Variants in GRIN2A observed in about 807,000 individuals in gnomAD.
GRIN2A encodes glutamate receptor ionotropic, NMDA 2A.
GRIN2A carries 22 observed loss-of-function variants against 113.4 expected under a neutral mutation model. The ratio of observed to expected loss-of-function variants is 0.19; its 90% CI spans 0.14 to 0.28. The LOEUF (loss-of-function observed/expected upper bound fraction) is 0.28, where lower values mean the gene tolerates loss of function less well. GRIN2A is among the 10% of genes least tolerant of loss of function. The probability of loss-of-function intolerance (pLI) is 1.00; values close to 1 mark genes in which losing one functional copy is unlikely to be tolerated. For synonymous variants in GRIN2A, 827 were observed against 738.4 expected (o/e 1.12, Z -1.94); for missense variants, 1,502 against 1,887.0 (o/e 0.80, Z 3.78).
intron 2 of GRIN2A, among the ~76,000 whole-genome samples, chr16:10,155,303 T>C (rs1947100290): frequency 6.6e-6 from 1 of 152,144 alleles, no homozygotes; most frequent in African/African-American, 2.4e-5. Flanking sequence ...GAAGTTTTAT[T>C]ACCATCCCCC....
At chr16:10,137,829 C>T (rs537893409) in intron 2 of GRIN2A, among the ~76,000 whole-genome samples, 1 of 152,282 alleles carries the variant, frequency 6.6e-6, no homozygotes, top group Admixed American at 6.5e-5. Context: ...TATGAGCTCA[C>T]CCAAGAGTCA....
chr16:10,082,684 G>T (rs560596767), intron 2 of GRIN2A, among the ~76,000 whole-genome samples: 1 of 152,176 alleles, frequency 6.6e-6, no homozygotes, highest in Non-Finnish European at 1.5e-5. Context: ...GAAGAAGGAG[G>T]CCTCTTTGAG....
At chr16:10,106,862 C>T (rs958744272) in intron 2 of GRIN2A, among the ~76,000 whole-genome samples, 8 of 152,126 alleles carry the variant, frequency 5.3e-5, no homozygotes, top group African/African-American at 1.9e-4. Context: ...CTGGGCTGTG[C>T]AATAAGCAGC....
chr16:9,839,628 T>C (rs915093237), intron 7 of GRIN2A, among the ~76,000 whole-genome samples: 2 of 152,202 alleles, frequency 1.3e-5, no homozygotes, highest in African/African-American at 4.8e-5. Flanking sequence ...CTTTGTGGGA[T>C]GGAGGATGGA....
chr16:9,840,140 T>G (rs2042647989), intron 7 of GRIN2A, among the ~76,000 whole-genome samples: 1 of 152,040 alleles, frequency 6.6e-6, no homozygotes, highest in South Asian at 2.1e-4. Context: ...TGTCTGAGAT[T>G]GGGTAAATTT....
chr16:9,920,752 G>C (rs1007752768), intron 3 of GRIN2A, among the ~76,000 whole-genome samples: 4 of 151,992 alleles, frequency 2.6e-5, no homozygotes, highest in Admixed American at 1.3e-4. Context: ...TATTTTAGTA[G>C]ATGGGGTTTC....
intron 7 of GRIN2A, 106 bp from the exon 8 acceptor site, chr16:9,834,336 C>G: frequency 9.7e-7 from 1 of 1,033,758 alleles, no homozygotes; most frequent in Admixed American, 1.7e-5. Context: ...AATATTTTCT[C>G]TAATTTGAAT....
intron 2 of GRIN2A, among the ~76,000 whole-genome samples, chr16:10,071,273 A>C (rs967383344): frequency 6.6e-6 from 1 of 152,226 alleles, no homozygotes; most frequent in South Asian, 2.1e-4. Flanking sequence ...ATTAGCAGAA[A>C]TGCAATGTAG....
chr16:9,943,996 G>A (rs1318748702), intron 2 of GRIN2A, among the ~76,000 whole-genome samples: 1 of 152,108 alleles, frequency 6.6e-6, no homozygotes, highest in East Asian at 1.9e-4. Flanking sequence ...ACACACTAGG[G>A]GCCTGATAAG....
At chr16:10,060,209 A>C (rs2047527623) in intron 2 of GRIN2A, among the ~76,000 whole-genome samples, 1 of 152,198 alleles carries the variant, frequency 6.6e-6, no homozygotes, top group Non-Finnish European at 1.5e-5. Context: ...GAGAACAATC[A>C]GGCTACCGGA....
chr16:10,065,983 A>C (rs1467058936), intron 2 of GRIN2A, among the ~76,000 whole-genome samples: 1 of 152,110 alleles, frequency 6.6e-6, no homozygotes, highest in Non-Finnish European at 1.5e-5. Context: ...TCCTTGAGAG[A>C]GGGCTTTCGG....
chr16:9,839,835 G>C lies in GRIN2A; in HGVS notation c.1651+812C>G, dbSNP rs72481070. Among the ~76,000 whole-genome samples the C allele has an allele frequency of 7.2e-3, 1,102 of 152,200 alleles. 26 individuals carry two copies. In the East Asian group the frequency reaches 0.1, roughly 14 times the overall value. On this transcript the variant is annotated intron_variant, in intron 7 of 12. Coordinates refer to ENST00000330684, the MANE Select transcript of GRIN2A (RefSeq NM_001134407.3). ...TAAGACAAATGAAAGATGTGAACTG[G>C]GGATGGAGGGGAGTGAATTAGGATG... is the stretch of plus-strand genomic sequence containing the variant.
At chr16:9,783,789 A>G (rs1902062342) in intron 11 of GRIN2A, among the ~76,000 whole-genome samples, 1 of 152,232 alleles carries the variant, frequency 6.6e-6, no homozygotes, top group Non-Finnish European at 1.5e-5. Context: ...CTAAATGGTA[A>G]ATATTGTTAC....
chr16:9,797,439 T>C (rs182728665), intron 11 of GRIN2A, among the ~76,000 whole-genome samples: 1 of 152,262 alleles, frequency 6.6e-6, no homozygotes, highest in Admixed American at 6.5e-5. Flanking sequence ...AGCTATGAAG[T>C]AGAAAGGGCA....
intron 2 of GRIN2A, among the ~76,000 whole-genome samples, chr16:10,039,638 AGGGTCCGCACCCGGGAGCGG>A: frequency 6.6e-6 from 1 of 151,272 alleles, no homozygotes; most frequent in Non-Finnish European, 1.5e-5. Flanking sequence ...CTGCGCGGGG[AGGGTCCGCACCCGGGAGCGG>A]GGGCGGCTGC....
intron 2 of GRIN2A, among the ~76,000 whole-genome samples, chr16:10,106,478 C>A (rs2048504062): frequency 6.6e-6 from 1 of 151,922 alleles, no homozygotes; most frequent in African/African-American, 2.4e-5. Context: ...CACTCTAGTA[C>A]AACCAAAGTG....
intron 2 of GRIN2A, among the ~76,000 whole-genome samples, chr16:9,949,092 T>A (rs1458929942): frequency 6.6e-6 from 1 of 152,168 alleles, no homozygotes. Flanking sequence ...CCGCCTCCTC[T>A]CTCCCCTCCA....
At chr16:10,138,424 G>A (rs1261362840) in intron 2 of GRIN2A, among the ~76,000 whole-genome samples, 3 of 152,126 alleles carry the variant, frequency 2.0e-5, no homozygotes, top group Admixed American at 6.5e-5. Flanking sequence ...AGGAAGCGAG[G>A]AACATCTCAC....
At position 9,843,513 on chromosome 16, in the gene GRIN2A, G is replaced by C. The variant is rs566784370; in HGVS notation, c.1329-2409C>G. ...CTCAAGCTGGAAAACATAATTTTGAGTAACAGAAGTGGGTTGTAAATGACA... is the reference window on the plus strand; with the variant it reads ...CTCAAGCTGGAAAACATAATTTTGACTAACAGAAGTGGGTTGTAAATGACA... On this transcript the variant is annotated intron_variant, in intron 5 of 12. Transcript: ENST00000330684. Among the ~76,000 whole-genome samples, 6 of 152,284 alleles carry C rather than the reference G, an allele frequency of 3.9e-5. No homozygotes were observed. The South Asian group carries it at 1.2e-3, about 32-fold the overall frequency.
Sources: allele counts gnomAD v4.1 joint callset (sites outside exome capture counted in the v4.1 genomes callset), GRCh38; gene constraint gnomAD v4.1.1; transcripts MANE v1.5; gene names NCBI Gene and HGNC (gene_info 2026-07-23, HGNC 2026-07-21).